The following TPCN2 variants were observed in gnomAD, a reference collection of about 807,000 sequenced individuals.
TPCN2 encodes two pore channel protein 2.
TPCN2 carries 92 observed loss-of-function variants against 111.4 expected under a neutral mutation model. That is an observed-to-expected ratio of 0.83 (90% confidence interval 0.70 to 0.98). TPCN2 has a LOEUF of 0.98. Among genes scored for constraint, TPCN2 ranks in the 50% least tolerant of loss-of-function variants. The pLI is 0.00. For synonymous variants in TPCN2, 405 were observed against 414.5 expected, an observed-to-expected ratio of 0.98 and a Z score of 0.28; for missense variants, 995 against 980.1, an observed-to-expected ratio of 1.02 and a Z score of -0.20.
rs1565083678 is a variant in TPCN2 at position 69,062,987 on chromosome 11, C to T, written c.650C>T (p.Ala217Val). Residue 217 changes from alanine (A) to valine (V), a missense_variant, in exon 6 of 25, where the codon GCC (alanine) becomes GTC (valine). Coordinates refer to ENST00000294309, the MANE Select transcript of TPCN2 (RefSeq NM_139075.4). ...ATCCGCTGGTCGCTGCCGGAAATGG[C>T]CAGGTGGGCTCTTGGTGCTCTGGGC... is the stretch of plus-strand genomic sequence containing the variant. ...KCIRWSLPEM[A>V]SVGLLLAIHL... 1.9e-6 allele frequency: 3 copies of T among 1,613,500 alleles called. No homozygotes were observed. The highest frequency in any genetic ancestry group is 2.7e-5 in the African/African-American group (2 of 74,936).
In TPCN2 at chr11:69,088,550, G is replaced by A. The variant is rs1218156753; in HGVS notation, c.*597G>A. 6.5e-6 allele frequency: 1 copy of A among 152,942 alleles called. No homozygotes were observed. The allele number at this position is 152,942 out of a possible 1,614,324, so 9.5% of individuals were successfully genotyped here. The stretch of plus-strand genomic sequence containing the variant: ...AGCACAGTTCTAGTCCTGCTTCTCT[G>A]GAGTAGGGTTGTTGAGTAAGGTTGC... On this transcript the variant is annotated 3_prime_UTR_variant, in exon 25 of 25. Coordinates refer to ENST00000294309, the MANE Select transcript of TPCN2 (RefSeq NM_139075.4).
At chr11:69,064,052 T>G (rs1391158850) in intron 7 of TPCN2, 85 bp downstream of exon 7, 1 of 1,332,174 alleles carries the variant, frequency 7.5e-7, no homozygotes, top group African/African-American at 1.4e-5. Flanking sequence ...TCTGCTGCCC[T>G]GGCCTAACCC....
intron 24 of TPCN2, among the ~76,000 whole-genome samples, chr11:69,087,484 G>A (rs1856333476): frequency 1.3e-5 from 2 of 152,172 alleles, no homozygotes; most frequent in African/African-American, 4.8e-5. Context: ...GGATCCTGTT[G>A]GATGTAAACA....
At chr11:69,063,492 C>T (rs531730122) in intron 6 of TPCN2, among the ~76,000 whole-genome samples, 2 of 152,226 alleles carry the variant, frequency 1.3e-5, no homozygotes, top group South Asian at 4.1e-4. Flanking sequence ...TCGGCTCACC[C>T]CTGGTCCCGA....
chr11:69,085,775 G>C (rs1856245988), intron 21 of TPCN2, 23 bp downstream of exon 21: 2 of 1,593,814 alleles, frequency 1.3e-6, no homozygotes, highest in Non-Finnish European at 1.7e-6. Context: ...CCCTGTCCCA[G>C]CACCCTGCTC....
chr11:69,050,343 G>A (rs1037730974), intron 1 of TPCN2, among the ~76,000 whole-genome samples: 6 of 152,330 alleles, frequency 3.9e-5, no homozygotes, highest in African/African-American at 1.4e-4. Flanking sequence ...TTCTGGGGCT[G>A]CACTGGCTGT....
At chr11:69,056,854 T>A (rs1294245177) in intron 4 of TPCN2, among the ~76,000 whole-genome samples, 1 of 150,010 alleles carries the variant, frequency 6.7e-6, no homozygotes, top group Admixed American at 6.6e-5. Context: ...TTATTTATTT[T>A]TGAGACAGAG....
At chr11:69,083,844 C>T (rs979226984) in intron 18 of TPCN2, 101 bp from the exon 19 acceptor site, 21 of 1,076,456 alleles carry the variant, frequency 2.0e-5, no homozygotes, top group Middle Eastern at 4.0e-4. Context: ...CATTGGCCTG[C>T]CCCATCTTGC....
intron 5 of TPCN2, among the ~76,000 whole-genome samples, chr11:69,059,440 G>A (rs1022137695): frequency 8.5e-5 from 13 of 152,212 alleles, no homozygotes; most frequent in Admixed American, 4.6e-4. Flanking sequence ...ATCCACCTGT[G>A]CCTCTTCACC....
At chr11:69,081,570 G>A (rs1856013698) in intron 18 of TPCN2, 71 bp downstream of exon 18, 1 of 1,223,558 alleles carries the variant, frequency 8.2e-7, no homozygotes. Context: ...CAGGGTGGGT[G>A]AGCCTGGGGC....
At chr11:69,082,284 G>A (rs866390689) in intron 18 of TPCN2, among the ~76,000 whole-genome samples, 12 of 152,284 alleles carry the variant, frequency 7.9e-5, no homozygotes, top group Middle Eastern at 3.4e-3. Flanking sequence ...CCAAGCACAC[G>A]TGATCTCACA....
At position 69,087,163 on chromosome 11, in the gene TPCN2, A is replaced by C. The variant is rs753584490; in HGVS notation, c.2137A>C (p.Thr713Pro). 4 of 1,613,608 alleles carry C rather than the reference A, an allele frequency of 2.5e-6. No homozygotes were observed. The highest frequency in any genetic ancestry group is 1.3e-5 in the African/African-American group (1 of 74,808). Residue 713 changes from threonine to proline, a missense_variant, in exon 24 of 25, where the codon ACC becomes CCC. By Grantham distance (38) the Thr-to-Pro change is conservative (BLOSUM62 -1). Transcript: ENST00000294309. ...CAGCCACCTGCAGCCCCTTGCTGGG[A>C]CCCCAGAGGCCACCTACCAGATGAC... is the stretch of plus-strand genomic sequence containing the variant. Reference protein sequence around the residue: ...PRSHLQPLAGTPEATYQMTVE... With the variant: ...PRSHLQPLAGPPEATYQMTVE...
chr11:69,075,420 C>G (rs937984291), intron 13 of TPCN2, among the ~76,000 whole-genome samples: 1 of 152,198 alleles, frequency 6.6e-6, no homozygotes. Context: ...GAATACCTAG[C>G]ACCTAGGAAT....
chr11:69,072,716 C>T lies in TPCN2; in HGVS notation c.1143+8C>T, dbSNP rs1444549146. The T allele has an allele frequency of 1.9e-5, 31 of 1,613,090 alleles. No homozygotes were observed. The highest frequency in any genetic ancestry group is 2.4e-5 in the Non-Finnish European group (28 of 1,179,600). ...AAACAGGCCATGATGGAGGTACCCG[C>T]CCCCTGCTCCCAGCCTCCTCTGGGC... On this transcript the variant is annotated splice_region_variant and intron_variant, in intron 12 of 24. Transcript: ENST00000294309.
At chr11:69,054,411 G>A in intron 2 of TPCN2, 1 of 564,124 alleles carries the variant, frequency 1.8e-6, no homozygotes, top group East Asian at 2.9e-5. Context: ...GGTCAGCCTT[G>A]CACAGAGAAG....
At position 69,055,322 on chromosome 11, in the gene TPCN2, G is replaced by C. The variant is rs1313477795; in HGVS notation, c.399G>C (p.Leu133=). Residue 133 remains leucine, a synonymous_variant, in exon 4 of 25, where the codon CTG becomes CTC. Transcript: ENST00000294309. ...GLTESVEVLC[L]LVFAADLSVK... is the part of the protein sequence containing the mutation. ...CCGAGAGTGTCGAGGTGCTCTGCCT[G>C]CTGGTCTTTGCGGCCGACCTCTCTG... 6.2e-7 allele frequency: 1 copy of C among 1,612,220 alleles called. No homozygotes were observed. Among genetic ancestry groups the C allele is most frequent in the South Asian group, 1.1e-5 (1 of 90,992 alleles).
chr11:69,065,653 C>T (rs1444721731), intron 7 of TPCN2, among the ~76,000 whole-genome samples: 1 of 152,216 alleles, frequency 6.6e-6, no homozygotes, highest in East Asian at 1.9e-4. Flanking sequence ...GCAGCGGCCG[C>T]CTTGCTTTAG....
rs1372245589 is a variant in TPCN2, at chr11:69,088,046, CCAGG to C, written c.*98_*101del. 1 of 1,153,150 alleles carries C rather than the reference CCAGG, an allele frequency of 8.7e-7. No individual in the cohort carries two copies. Among genetic ancestry groups the C allele is most frequent in the East Asian group, 2.6e-5 (1 of 38,990 alleles). The allele number at this position is 1,153,150 out of a possible 1,614,324, so 71.4% of individuals were successfully genotyped here. A position where few individuals can be genotyped will look rare whatever the true frequency, so the allele number is the denominator to read the frequency against. On this transcript the variant is annotated 3_prime_UTR_variant, in exon 25 of 25. Transcript: ENST00000294309. Reference sequence around the variant, plus strand: ...GAAGAGGCGGCCATGCTGTGGCCAGCCAGGCAGGAAGAGACCTTTCCTCTGACGG... The same window carrying C: ...GAAGAGGCGGCCATGCTGTGGCCAGCCAGGAAGAGACCTTTCCTCTGACGG...
At chr11:69,055,053 C>A in intron 3 of TPCN2, 122 bp from the exon 4 acceptor site, 1 of 1,084,130 alleles carries the variant, frequency 9.2e-7, no homozygotes, top group Non-Finnish European at 1.4e-6. Flanking sequence ...TCTCCCCAGT[C>A]ACGAGTGTCC....
Sources: gnomAD v4.1 joint callset for allele counts (sites outside exome capture counted in the v4.1 genomes callset) on GRCh38, gnomAD v4.1.1 for gene constraint, MANE v1.5 for transcripts, NCBI Gene and HGNC (gene_info 2026-07-23, HGNC 2026-07-21) for gene names.